ANAPC1: variants seen among roughly 807,000 people sequenced by gnomAD.
The protein encoded by ANAPC1 is anaphase promoting complex subunit 1.
A neutral mutation model predicts 208.0 loss-of-function variants in ANAPC1; 36 were observed. The observed-to-expected ratio is 0.17, with a 90% confidence interval of 0.13 to 0.23. The LOEUF (loss-of-function observed/expected upper bound fraction) is 0.23. ANAPC1 is among the 10% of genes least tolerant of loss of function. The pLI is 1.00. For missense variants in ANAPC1, 942 were observed against 2,011.6 expected, an observed-to-expected ratio of 0.47 and a Z score of 10.17; for synonymous variants, 378 against 695.2, an observed-to-expected ratio of 0.54 and a Z score of 7.18.
At chr2:111,879,030 C>G (rs528825755) in intron 2 of ANAPC1, 59 bp from the exon 3 acceptor site, 87 of 1,547,964 alleles carry the variant, frequency 5.6e-5, no homozygotes, top group Admixed American at 8.5e-5. Flanking sequence ...CTTCAAAAAT[C>G]TGGAACAAAA....
chr2:111,873,920 A>C (rs1030569509), intron 3 of ANAPC1, among the ~76,000 whole-genome samples: 1 of 152,054 alleles, frequency 6.6e-6, no homozygotes, highest in Non-Finnish European at 1.5e-5. Flanking sequence ...TTTAAATTAA[A>C]AAAATAAATT....
chr2:111,857,804 G>A (rs3891981), intron 11 of ANAPC1, among the ~76,000 whole-genome samples: 6 of 152,124 alleles, frequency 3.9e-5, no homozygotes, highest in Admixed American at 1.3e-4. Context: ...CCAAAAGTCC[G>A]TCAGCTGATG....
intron 18 of ANAPC1, among the ~76,000 whole-genome samples, 170 bp downstream of exon 18, chr2:111,838,268 C>A (rs112808761): frequency 6.6e-6 from 1 of 152,070 alleles, no homozygotes; most frequent in African/African-American, 2.4e-5. Context: ...TTAAAGACCA[C>A]AGAAAATGTA....
chr2:111,847,394 G>A (rs186669606), intron 15 of ANAPC1, among the ~76,000 whole-genome samples, 196 bp from the exon 16 acceptor site: 5,110 of 152,252 alleles, frequency 0.034, 186 homozygotes, highest in African/African-American at 0.084. Flanking sequence ...CAAAATGCTT[G>A]TTTTAATAAA....
At chr2:111,779,867 TAAAG>T (rs1271246275) in intron 44 of ANAPC1, 1 of 224,880 alleles carries the variant, frequency 4.4e-6, no homozygotes, top group Non-Finnish European at 8.8e-6. Context: ...AACAAAAAAA[TAAAG>T]AAAAATCTGC....
intron 3 of ANAPC1, among the ~76,000 whole-genome samples, chr2:111,875,070 C>A (rs1016769723): frequency 6.6e-6 from 1 of 152,232 alleles, no homozygotes; most frequent in Non-Finnish European, 1.5e-5. Flanking sequence ...GTTCCAATTT[C>A]TGGACATCCT....
chr2:111,823,564 A>G (rs543677962), intron 24 of ANAPC1, among the ~76,000 whole-genome samples: 55 of 152,318 alleles, frequency 3.6e-4, no homozygotes, highest in African/African-American at 1.1e-3. Flanking sequence ...ATGGGTAATT[A>G]AATTATGATA....
rs777098162 is a variant in ANAPC1 at position 111,873,672 on chromosome 2, C to A, written c.376-8G>T. 33 of 1,581,536 alleles carry A rather than the reference C, an allele frequency of 2.1e-5. No individual in the cohort carries two copies. In the East Asian group the frequency reaches 7.1e-4, roughly 34 times the overall value. On this transcript the variant is annotated splice_region_variant and splice_polypyrimidine_tract_variant and intron_variant, in intron 3 of 47. Transcript: ENST00000341068. ...GAAGTCACACCACAATGCCTAAAATCAAAACAAAATGCTTACCTAAGAAAA... is the reference window on the plus strand; with the variant it reads ...GAAGTCACACCACAATGCCTAAAATAAAAACAAAATGCTTACCTAAGAAAA...
At position 111,880,596 on chromosome 2, in the gene ANAPC1, G is replaced by A. The variant is rs746559364; in HGVS notation, c.213+17C>T. On this transcript the variant is annotated intron_variant, in intron 2 of 47. Transcript: ENST00000341068. ...TCACTCTACATTTCAAAAACACAAT[G>A]GGAAACTCAATGGAACCTTCTGTTT... is the stretch of plus-strand genomic sequence containing the variant. 4 of 1,595,520 alleles carry A rather than the reference G, an allele frequency of 2.5e-6. No homozygotes were observed. In the South Asian group the frequency reaches 3.4e-5, roughly 13 times the overall value.
intron 3 of ANAPC1, among the ~76,000 whole-genome samples, chr2:111,874,883 T>G (rs1405549503): frequency 6.6e-6 from 1 of 152,170 alleles, no homozygotes; most frequent in Non-Finnish European, 1.5e-5. Context: ...CAAGGCATGA[T>G]TCTAGCTCGC....
intron 13 of ANAPC1, among the ~76,000 whole-genome samples, chr2:111,856,190 G>A (rs150383849): frequency 1.3e-5 from 2 of 152,186 alleles, no homozygotes; most frequent in Admixed American, 1.3e-4. Flanking sequence ...AGCCGAGATC[G>A]TGCCATTGCA....
chr2:111,840,713 A>G (rs564194991), intron 17 of ANAPC1, among the ~76,000 whole-genome samples: 1 of 152,298 alleles, frequency 6.6e-6, no homozygotes, highest in East Asian at 1.9e-4. Flanking sequence ...GAACAGAAAA[A>G]TTGGGGATAA....
intron 7 of ANAPC1, among the ~76,000 whole-genome samples, chr2:111,865,376 CG>C (rs1269672671): frequency 8.3e-4 from 127 of 152,148 alleles, no homozygotes; most frequent in Admixed American, 3.6e-3. Context: ...CAGACAGTGC[CG>C]AACAGTACAC....
chr2:111,829,072 G>A lies in ANAPC1; in HGVS notation c.2625+2214C>T, dbSNP rs183507838. On this transcript the variant is annotated intron_variant, in intron 21 of 47. Transcript: ENST00000341068. Reference sequence around the variant, plus strand: ...CTACTAAAAATACAAAAATTAGCCAGACTTGGTGACTAACGCCTGTAATCC... The same window carrying A: ...CTACTAAAAATACAAAAATTAGCCAAACTTGGTGACTAACGCCTGTAATCC... 2.6e-5 allele frequency among the ~76,000 whole-genome samples: 4 copies of A among 152,106 alleles called. No individual in the cohort carries two copies. The East Asian group carries it at 7.7e-4, about 29-fold the overall frequency.
intron 10 of ANAPC1, among the ~76,000 whole-genome samples, chr2:111,860,328 G>C (rs1217072607): frequency 6.7e-6 from 1 of 150,062 alleles, no homozygotes; most frequent in African/African-American, 2.5e-5. Context: ...GAAAATACTG[G>C]GGCAAGATGT....
In ANAPC1 at chr2:111,842,470, C is replaced by T. The variant is rs555110704; in HGVS notation, c.2040+942G>A. 2.0e-5 allele frequency among the ~76,000 whole-genome samples: 3 copies of T among 151,918 alleles called. No homozygotes were observed. In the South Asian group the frequency reaches 6.2e-4, roughly 32 times the overall value. On this transcript the variant is annotated intron_variant, in intron 17 of 47. Transcript: ENST00000341068. Reference sequence around the variant, plus strand: ...CATCCTGGCTAACACGGTGAAACCCCGTCTCTACTAAAAATACAAAAAATC... The same window carrying T: ...CATCCTGGCTAACACGGTGAAACCCTGTCTCTACTAAAAATACAAAAAATC...
chr2:111,831,161 A>G (rs1680106596), intron 21 of ANAPC1, 125 bp downstream of exon 21: 6 of 762,418 alleles, frequency 7.9e-6, no homozygotes, highest in Non-Finnish European at 9.9e-6. Context: ...TAGTAATTAC[A>G]TGAATCTATA....
At chr2:111,819,186 A>C (rs1679384260) in intron 26 of ANAPC1, 1 of 984,108 alleles carries the variant, frequency 1.0e-6, no homozygotes, top group Non-Finnish European at 1.2e-6. Flanking sequence ...TTTGTTTCAT[A>C]TTTACATTGA....
intron 26 of ANAPC1, 64 bp downstream of exon 26, chr2:111,821,175 T>G: frequency 2.5e-6 from 4 of 1,582,998 alleles, no homozygotes; most frequent in Non-Finnish European, 2.6e-6. Flanking sequence ...GAAAAACAAA[T>G]ATACACAAGA....
Sources: gnomAD v4.1 joint callset for allele counts (sites outside exome capture counted in the v4.1 genomes callset) on GRCh38, gnomAD v4.1.1 for gene constraint, MANE v1.5 for transcripts, NCBI Gene and HGNC (gene_info 2026-07-23, HGNC 2026-07-21) for gene names.